CAMKK1: variants seen among roughly 807,000 people sequenced by gnomAD.
CAMKK1 encodes calcium/calmodulin dependent protein kinase kinase 1.
Under a neutral mutation model 63.5 loss-of-function variants are expected in CAMKK1, and 20 were observed. The ratio of observed to expected loss-of-function variants is 0.32; its 90% CI spans 0.22 to 0.46. CAMKK1 has a LOEUF of 0.46. Ranked by LOEUF, CAMKK1 falls within the 20% of genes least tolerant of loss-of-function variation. The pLI is 1.00. For missense variants in CAMKK1, 588 were observed against 658.1 expected (o/e 0.89, Z 1.17); for synonymous variants, 253 against 269.0 (o/e 0.94, Z 0.58).
In CAMKK1 at chr17:3,862,348, T is replaced by TC. The variant is rs1352205302; in HGVS notation, c.1446-66dup. ...AGAATATGCACTCAGGGAGACACTC[T>TC]CCCTCACACACACAGGAATCTGAAT... On this transcript the variant is annotated intron_variant, in intron 15 of 15. Transcript: ENST00000348335. This position sits in a 1 kb window ranked among gnomAD's most constrained non-coding sequence, Gnocchi z 4.1. 4.8e-6 allele frequency: 6 copies of TC among 1,245,280 alleles called. No individual in the cohort carries two copies. In the East Asian group the frequency reaches 1.0e-4, roughly 21 times the overall value. 77.1% of individuals were successfully genotyped at this position (1,245,280 alleles called of 1,614,324 possible). A position where few individuals can be genotyped will look rare whatever the true frequency, so the allele number is the denominator to read the frequency against.
chr17:3,888,267 T>C (rs2055743641), intron 1 of CAMKK1, among the ~76,000 whole-genome samples: 1 of 152,208 alleles, frequency 6.6e-6, no homozygotes, highest in Non-Finnish European at 1.5e-5. Context: ...GAGGCCATCC[T>C]CCTTTACCCT....
rs1187465425 is a variant in CAMKK1 at position 3,884,007 on chromosome 17, G to A, written c.409-70C>T. 2.7e-6 allele frequency: 4 copies of A among 1,478,714 alleles called. No homozygotes were observed. Among genetic ancestry groups the A allele is most frequent in the Non-Finnish European group, 3.8e-6 (4 of 1,064,886 alleles). The allele number at this position is 1,478,714 out of a possible 1,614,324, so 91.6% of individuals were successfully genotyped here. On this transcript the variant is annotated intron_variant, in intron 3 of 15. Coordinates refer to ENST00000348335, the MANE Select transcript of CAMKK1 (RefSeq NM_032294.3). The surrounding 1 kb of genome is among the most constrained non-coding windows in gnomAD (Gnocchi z 4.5). ...TCCCAGGACCAGCTCAGGAGGTGGG[G>A]AGCCGAGCAGCTCTGGTCTCTCCTG...
At chr17:3,871,656 T>TCCATTTCACTCCTGAAATCCAC (rs2054890002) in intron 12 of CAMKK1, among the ~76,000 whole-genome samples, 1 of 148,748 alleles carries the variant, frequency 6.7e-6, no homozygotes. Flanking sequence ...GCACCCGGCC[T>TCCATTTCACTCCTGAAATCCAC]TATTCAGTTT....
chr17:3,865,167 A>G, intron 15 of CAMKK1: 1 of 985,722 alleles, frequency 1.0e-6, no homozygotes, highest in Non-Finnish European at 1.2e-6. Flanking sequence ...TTAGCATCCC[A>G]GACTGGCTTT....
intron 1 of CAMKK1, among the ~76,000 whole-genome samples, chr17:3,891,887 G>T (rs1045351823): frequency 6.6e-6 from 1 of 152,182 alleles, no homozygotes; most frequent in Admixed American, 6.5e-5. Flanking sequence ...GTGAGCAGGG[G>T]AGTGCCTCGG....
Position 3,862,058 on chromosome 17 carries a change from T to G in CAMKK1, c.*153A>C. On this transcript the variant is annotated 3_prime_UTR_variant, in exon 16 of 16. Coordinates refer to ENST00000348335, the MANE Select transcript of CAMKK1 (RefSeq NM_032294.3). The surrounding 1 kb of genome is among the most constrained non-coding windows in gnomAD (Gnocchi z 4.1). ...ATTCCAGTCTGTCCCTGGACGTGCG[T>G]GCGTGGAGGTCATGCAGCACGATGG... The G allele has an allele frequency of 1.6e-6, 1 of 631,556 alleles. No individual in the cohort carries two copies. The highest frequency in any genetic ancestry group is 2.8e-6 in the Non-Finnish European group (1 of 356,038). The allele number at this position is 631,556 out of a possible 1,614,324, so 39.1% of individuals were successfully genotyped here. A position where few individuals can be genotyped will look rare whatever the true frequency, so the allele number is the denominator to read the frequency against.
chr17:3,868,832 T>C (rs1446543341), intron 14 of CAMKK1, among the ~76,000 whole-genome samples: 8 of 151,576 alleles, frequency 5.3e-5, no homozygotes, highest in African/African-American at 1.9e-4. Flanking sequence ...TTTTTGTATT[T>C]TTAGTAGAGG....
At chr17:3,874,740 C>G (rs886325610) in intron 10 of CAMKK1, among the ~76,000 whole-genome samples, 1 of 151,872 alleles carries the variant, frequency 6.6e-6, no homozygotes, top group African/African-American at 2.4e-5. Context: ...AACTCCTGAC[C>G]TCAGGTGATC....
intron 11 of CAMKK1, 151 bp downstream of exon 11, chr17:3,873,258 A>G: frequency 1.4e-6 from 1 of 723,292 alleles, no homozygotes; most frequent in Middle Eastern, 2.5e-4. Context: ...GACCAGAGAA[A>G]GATAGAAAAA....
At chr17:3,871,843 A>T (rs571053808) in intron 12 of CAMKK1, among the ~76,000 whole-genome samples, 1 of 151,072 alleles carries the variant, frequency 6.6e-6, no homozygotes, top group Non-Finnish European at 1.5e-5. Context: ...ATGGGGTTTC[A>T]CCATGTTGGC....
rs563294526 is a variant in CAMKK1, at chr17:3,890,077, C to T, written c.-44+2862G>A. 5.9e-5 allele frequency among the ~76,000 whole-genome samples: 9 copies of T among 152,290 alleles called. No homozygotes were observed. The highest frequency in any genetic ancestry group is 1.9e-4 in the East Asian group (1 of 5,184). ...ACAGAAGGGAAAGCCGCAGAGGTGG[C>T]GGCCACCCAGGCCAGACACAGAAGG... On this transcript the variant is annotated intron_variant, in intron 1 of 15. Transcript: ENST00000348335. The surrounding 1 kb of genome is among the most constrained non-coding windows in gnomAD (Gnocchi z 6.5).
rs550682460 is a variant in CAMKK1, at chr17:3,890,049, C to T, written c.-44+2890G>A. Among the ~76,000 whole-genome samples the T allele has an allele frequency of 1.8e-3, 270 of 152,314 alleles. No homozygotes were observed. Among genetic ancestry groups the T allele is most frequent in the African/African-American group, 2.9e-3 (122 of 41,560 alleles). On this transcript the variant is annotated intron_variant, in intron 1 of 15. Coordinates refer to ENST00000348335, the MANE Select transcript of CAMKK1 (RefSeq NM_032294.3). This position sits in a 1 kb window ranked among gnomAD's most constrained non-coding sequence, Gnocchi z 6.5. ...TGGACAGCCGTGACCAGCAGAGGAC[C>T]GAACAGAAGGGAAAGCCGCAGAGGT...
At position 3,889,903 on chromosome 17, in the gene CAMKK1, C is replaced by T. The variant is rs1198716898; in HGVS notation, c.-44+3036G>A. The stretch of plus-strand genomic sequence containing the variant: ...GACCCTGCTGCCATCCACGCGGGTT[C>T]AAGTAGCTCCACCTGGGAGCTGGTC... On this transcript the variant is annotated intron_variant, in intron 1 of 15. Transcript: ENST00000348335. This position sits in a 1 kb window ranked among gnomAD's most constrained non-coding sequence, Gnocchi z 5.2. Among the ~76,000 whole-genome samples the T allele has an allele frequency of 2.6e-5, 4 of 152,348 alleles. No homozygotes were observed. The East Asian group carries it at 5.8e-4, about 22-fold the overall frequency.
chr17:3,887,309 C>T lies in CAMKK1; in HGVS notation c.-43-1579G>A, dbSNP rs768340738. Among the ~76,000 whole-genome samples the T allele has an allele frequency of 1.1e-4, 17 of 152,150 alleles. No individual in the cohort carries two copies. Among genetic ancestry groups the T allele is most frequent in the African/African-American group, 2.4e-4 (10 of 41,432 alleles). Reference sequence around the variant, plus strand: ...AGGTCCAGACCCCCTGTGCCCGGTACGCAGTGTGTTGAATGAGTAGAAGCC... The same window carrying T: ...AGGTCCAGACCCCCTGTGCCCGGTATGCAGTGTGTTGAATGAGTAGAAGCC... On this transcript the variant is annotated intron_variant, in intron 1 of 15. Coordinates refer to ENST00000348335, the MANE Select transcript of CAMKK1 (RefSeq NM_032294.3). The surrounding 1 kb of genome is among the most constrained non-coding windows in gnomAD (Gnocchi z 6.1).
At position 3,890,543 on chromosome 17, in the gene CAMKK1, C is replaced by T. The variant is rs1417813567; in HGVS notation, c.-44+2396G>A. The T allele has an allele frequency of 2.8e-6, 2 of 718,080 alleles. No individual in the cohort carries two copies. Among genetic ancestry groups the T allele is most frequent in the East Asian group, 2.5e-5 (1 of 39,620 alleles). 44.5% of individuals were successfully genotyped at this position (718,080 alleles called of 1,614,324 possible). A position where few individuals can be genotyped will look rare whatever the true frequency, so the allele number is the denominator to read the frequency against. ...CCCAGATTCAACTCAGCATCTTCCCCAAACCTGCTCGTCCTCCTCTGTCTC... is the reference window on the plus strand; with the variant it reads ...CCCAGATTCAACTCAGCATCTTCCCTAAACCTGCTCGTCCTCCTCTGTCTC... On this transcript the variant is annotated intron_variant, in intron 1 of 15. Transcript: ENST00000348335. This position sits in a 1 kb window ranked among gnomAD's most constrained non-coding sequence, Gnocchi z 6.5.
chr17:3,891,607 C>A (rs902601789), intron 1 of CAMKK1, among the ~76,000 whole-genome samples: 2 of 152,130 alleles, frequency 1.3e-5, no homozygotes, highest in Non-Finnish European at 2.9e-5. Flanking sequence ...GGAGTCTTCC[C>A]CACATAAGAG....
intron 8 of CAMKK1, 67 bp downstream of exon 8, chr17:3,881,560 C>G: frequency 6.7e-7 from 1 of 1,486,258 alleles, no homozygotes; most frequent in African/African-American, 1.4e-5. Flanking sequence ...GGGCTGGGGA[C>G]ACAGGGAGGG....
In CAMKK1 at chr17:3,890,115, G is replaced by C. The variant is rs58923071; in HGVS notation, c.-44+2824C>G. On this transcript the variant is annotated intron_variant, in intron 1 of 15. Coordinates refer to ENST00000348335, the MANE Select transcript of CAMKK1 (RefSeq NM_032294.3). The surrounding 1 kb of genome is among the most constrained non-coding windows in gnomAD (Gnocchi z 6.5). The stretch of plus-strand genomic sequence containing the variant: ...CAGACACAGAAGGTGGTCCTCCCAT[G>C]CCTGGGCCGCCTCACTGGAGCTGTG... 0.03 allele frequency among the ~76,000 whole-genome samples: 4,581 copies of C among 152,324 alleles called. 118 individuals carry two copies. Among genetic ancestry groups the C allele is most frequent in the East Asian group, 0.15 (752 of 5,168 alleles).
At position 3,882,658 on chromosome 17, in the gene CAMKK1, A is replaced by G. The variant is rs2055463616; in HGVS notation, c.649-94T>C. 1 of 1,183,940 alleles carries G rather than the reference A, an allele frequency of 8.4e-7. No individual in the cohort carries two copies. The highest frequency in any genetic ancestry group is 1.2e-6 in the Non-Finnish European group (1 of 815,748). The allele number at this position is 1,183,940 out of a possible 1,614,324, so 73.3% of individuals were successfully genotyped here. ...GGTCCTTGCCAGCCCCAGAACCCTT[A>G]GTATGCATGCAACCACCCCAGACAA... is the stretch of plus-strand genomic sequence containing the variant. On this transcript the variant is annotated intron_variant, in intron 6 of 15. Coordinates refer to ENST00000348335, the MANE Select transcript of CAMKK1 (RefSeq NM_032294.3). This position sits in a 1 kb window ranked among gnomAD's most constrained non-coding sequence, Gnocchi z 4.3.
Sources: gnomAD v4.1 joint callset for allele counts (sites outside exome capture counted in the v4.1 genomes callset) on GRCh38, gnomAD v4.1.1 for gene constraint, Gnocchi (gnomAD v3.1) non-coding constraint, MANE v1.5 for transcripts, NCBI Gene and HGNC (gene_info 2026-07-23, HGNC 2026-07-21) for gene names.